Variants in KIF1B observed in about 807,000 individuals in gnomAD.
The protein encoded by KIF1B is kinesin family member 1B.
KIF1B carries 76 observed loss-of-function variants against 241.9 expected under a neutral mutation model. The ratio of observed to expected loss-of-function variants is 0.31; its 90% CI spans 0.26 to 0.38. KIF1B has a LOEUF of 0.38. Among genes scored for constraint, KIF1B ranks in the 10% least tolerant of loss-of-function variants. KIF1B has a pLI of 1.00. For missense variants in KIF1B, 1,622 were observed against 2,271.4 expected (o/e 0.71, Z 5.81); for synonymous variants, 750 against 796.7 (o/e 0.94, Z 0.99).
In KIF1B at chr1:10,337,217, G is replaced by A. The variant is rs779940853; in HGVS notation, c.3259+14G>A. 3 of 1,614,110 alleles carry A rather than the reference G, an allele frequency of 1.9e-6. No individual in the cohort carries two copies. The Admixed American group carries it at 5.0e-5, about 27-fold the overall frequency. On this transcript the variant is annotated intron_variant, in intron 30 of 48. Transcript: ENST00000676179. This position sits in a 1 kb window ranked among gnomAD's most constrained non-coding sequence, Gnocchi z 4.0. ...TTAATGACTTGGGTATGTAGACATA[G>A]TTTACTGTGCTTGGGGACATTTTCG...
intron 7 of KIF1B, among the ~76,000 whole-genome samples, chr1:10,270,786 C>T (rs978880451): frequency 2.0e-5 from 3 of 151,612 alleles, no homozygotes; most frequent in Admixed American, 6.6e-5. Context: ...ATTAGCTGGG[C>T]GTGGTGGTGG....
chr1:10,308,386 A>G, intron 22 of KIF1B: 4 of 1,049,064 alleles, frequency 3.8e-6, no homozygotes, highest in Non-Finnish European at 4.6e-6. Context: ...TGTGAAATGT[A>G]TTAGGTGTTG....
intron 1 of KIF1B, among the ~76,000 whole-genome samples, chr1:10,220,748 C>T (rs192793670): frequency 4.6e-5 from 7 of 152,214 alleles, no homozygotes; most frequent in Admixed American, 3.3e-4. Context: ...CTGCAACCTC[C>T]GCCTCCCAGG....
chr1:10,309,528 T>G (rs2102280044), intron 22 of KIF1B, among the ~76,000 whole-genome samples: 1 of 150,672 alleles, frequency 6.6e-6, no homozygotes, highest in Admixed American at 6.6e-5. Context: ...GCTTGCTAAT[T>G]ATAATCTGCC....
At chr1:10,299,316 C>A (rs1195634284) in intron 22 of KIF1B, among the ~76,000 whole-genome samples, 1 of 151,964 alleles carries the variant, frequency 6.6e-6, no homozygotes, top group African/African-American at 2.4e-5. Context: ...GTTGTTTGCT[C>A]TGTGTATCTG....
intron 2 of KIF1B, among the ~76,000 whole-genome samples, chr1:10,250,031 G>A (rs543448331): frequency 3.3e-5 from 5 of 152,022 alleles, no homozygotes; most frequent in South Asian, 2.1e-4. Flanking sequence ...GGCTAGTCTC[G>A]AACGCGTAGG....
chr1:10,272,883 A>G, intron 9 of KIF1B, 131 bp from the exon 10 acceptor site: 2 of 695,372 alleles, frequency 2.9e-6, no homozygotes, highest in Non-Finnish European at 4.8e-6. Flanking sequence ...ATTGCTAAGA[A>G]GAATGAAATG....
intron 15 of KIF1B, among the ~76,000 whole-genome samples, chr1:10,290,211 C>CT (rs1255172166): frequency 6.6e-6 from 1 of 151,868 alleles, no homozygotes. Flanking sequence ...AATGTGTAGG[C>CT]TTGTTACATA....
At position 10,364,165 on chromosome 1, in the gene KIF1B, G is replaced by A. The variant is rs896606797; in HGVS notation, c.4366+821G>A. Among the ~76,000 whole-genome samples the A allele has an allele frequency of 3.4e-5, 5 of 147,326 alleles. No individual in the cohort carries two copies. In the East Asian group the frequency reaches 5.9e-4, roughly 18 times the overall value. On this transcript the variant is annotated intron_variant, in intron 41 of 48. Coordinates refer to ENST00000676179, the MANE Select transcript of KIF1B (RefSeq NM_001365951.3). ...TGTATGTGTGTGTGTATTCCCTTCCGTCTTTTTAAAAATTTTTATTTTTAG... is the reference window on the plus strand; with the variant it reads ...TGTATGTGTGTGTGTATTCCCTTCCATCTTTTTAAAAATTTTTATTTTTAG...
intron 11 of KIF1B, 127 bp from the exon 12 acceptor site, chr1:10,276,194 T>C: frequency 1.3e-6 from 1 of 753,550 alleles, no homozygotes; most frequent in South Asian, 1.5e-5. Context: ...AAAAAAAAAA[T>C]AAAAGAAAGA....
intron 38 of KIF1B, among the ~76,000 whole-genome samples, chr1:10,355,905 A>G (rs1242839151): frequency 6.6e-6 from 1 of 152,048 alleles, no homozygotes; most frequent in Non-Finnish European, 1.5e-5. Flanking sequence ...TTTAACATTT[A>G]TCTTTCTCCT....
chr1:10,271,626 C>A, intron 8 of KIF1B, 47 bp downstream of exon 8: 1 of 1,233,834 alleles, frequency 8.1e-7, no homozygotes, highest in Non-Finnish European at 1.2e-6. Flanking sequence ...ATGGCCACTA[C>A]CTGTTTTTGT....
At chr1:10,231,378 C>CTTTTTTTTTTTT (rs35213507) in intron 1 of KIF1B, among the ~76,000 whole-genome samples, 7 of 85,738 alleles carry the variant, frequency 8.2e-5, no homozygotes, top group Admixed American at 1.5e-4. Flanking sequence ...GTTCAGTGCC[C>CTTTTTTTTTTTT]TTTTTTTTTT....
At chr1:10,260,591 A>G (rs112819354) in intron 4 of KIF1B, among the ~76,000 whole-genome samples, 5,425 of 152,010 alleles carry the variant, frequency 0.036, 118 homozygotes, top group Middle Eastern at 0.13. Flanking sequence ...CAGCCCCAGC[A>G]TGGTGGCTCA....
rs891630118 is a variant in KIF1B at position 10,380,100 on chromosome 1, G to C, written c.*3513G>C. On this transcript the variant is annotated 3_prime_UTR_variant, in exon 49 of 49. Coordinates refer to ENST00000676179, the MANE Select transcript of KIF1B (RefSeq NM_001365951.3). ...ACTAAGTCATTGTGAACTGTCTCTT[G>C]AGATCTAAAAACAAGATGACTTTTC... 4.4e-6 allele frequency: 1 copy of C among 227,218 alleles called. No homozygotes were observed. Among genetic ancestry groups the C allele is most frequent in the Non-Finnish European group, 8.8e-6 (1 of 114,176 alleles). 14.1% of individuals were successfully genotyped at this position (227,218 alleles called of 1,614,324 possible).
rs1206917062 is a variant in KIF1B at position 10,267,439 on chromosome 1, G to A, written c.489G>A (p.Lys163=). ...GAGATTTGCTGAATCCAAAAAACAAGGGTAATTTGCGTGTGCGTGAACACC... is the reference window on the plus strand; with the variant it reads ...GAGATTTGCTGAATCCAAAAAACAAAGGTAATTTGCGTGTGCGTGAACACC... The part of the protein sequence containing the change: ...RVRDLLNPKN[K]GNLRVREHPL... The change falls in exon 6 of 49, where the codon AAG becomes AAA. Residue 163 remains lysine (K), a synonymous_variant. Coordinates refer to ENST00000676179, the MANE Select transcript of KIF1B (RefSeq NM_001365951.3). 6.2e-7 allele frequency: 1 copy of A among 1,614,190 alleles called. No individual in the cohort carries two copies. The highest frequency in any genetic ancestry group is 8.5e-7 in the Non-Finnish European group (1 of 1,180,022).
intron 27 of KIF1B, among the ~76,000 whole-genome samples, chr1:10,329,772 G>C (rs984590341): frequency 1.3e-5 from 2 of 152,120 alleles, no homozygotes; most frequent in African/African-American, 4.8e-5. Context: ...AATTCCATTA[G>C]TAAGTTTGTT....
intron 27 of KIF1B, among the ~76,000 whole-genome samples, chr1:10,329,997 A>T (rs997154107): frequency 1.3e-5 from 2 of 152,196 alleles, no homozygotes; most frequent in Admixed American, 1.3e-4. Flanking sequence ...CATTCTTTCT[A>T]TAAGTAGCAC....
At chr1:10,333,880 C>T (rs571126531) in intron 27 of KIF1B, among the ~76,000 whole-genome samples, 5 of 151,930 alleles carry the variant, frequency 3.3e-5, no homozygotes, top group South Asian at 2.1e-4. Context: ...CGCCTGGGCA[C>T]GGTGGCTCAC....
Sources: gnomAD v4.1 joint callset for allele counts (sites outside exome capture counted in the v4.1 genomes callset) on GRCh38, gnomAD v4.1.1 for gene constraint, Gnocchi (gnomAD v3.1) non-coding constraint, MANE v1.5 for transcripts, NCBI Gene and HGNC (gene_info 2026-07-23, HGNC 2026-07-21) for gene names.